SGCG: variants seen among roughly 807,000 people sequenced by gnomAD.
SGCG encodes gamma-sarcoglycan.
A neutral mutation model predicts 29.3 loss-of-function variants in SGCG; 26 were observed. The observed-to-expected ratio is 0.89, with a 90% CI of 0.65 to 1.23. The LOEUF is 1.23. Among genes scored for constraint, SGCG ranks in the 50% most tolerant of loss-of-function variants. The probability of loss-of-function intolerance (pLI) is 0.00; values close to 1 mark genes in which losing one functional copy is unlikely to be tolerated. For missense variants in SGCG, 353 were observed against 356.0 expected, an observed-to-expected ratio of 0.99 and a Z score of 0.07; for synonymous variants, 145 against 129.7, an observed-to-expected ratio of 1.12 and a Z score of -0.80.
intron 2 of SGCG, among the ~76,000 whole-genome samples, chr13:23,230,471 C>T (rs1313709059): frequency 2.0e-5 from 3 of 152,232 alleles, no homozygotes; most frequent in South Asian, 2.1e-4. Flanking sequence ...AGCAGTGTTT[C>T]GTAATTCTCA....
intron 6 of SGCG, among the ~76,000 whole-genome samples, chr13:23,300,593 C>A (rs951628998): frequency 2.0e-5 from 3 of 152,038 alleles, no homozygotes; most frequent in Admixed American, 6.6e-5. Flanking sequence ...GAAATCATGA[C>A]CTGCAAGCCG....
At chr13:23,288,109 T>C (rs1418188666) in intron 5 of SGCG, among the ~76,000 whole-genome samples, 1 of 152,216 alleles carries the variant, frequency 6.6e-6, no homozygotes, top group Non-Finnish European at 1.5e-5. Context: ...TTAAAACTTT[T>C]CTCCACTACC....
intron 2 of SGCG, among the ~76,000 whole-genome samples, chr13:23,220,523 G>C (rs1878618861): frequency 6.6e-6 from 1 of 152,150 alleles, no homozygotes; most frequent in African/African-American, 2.4e-5. Flanking sequence ...TCAATTAGAA[G>C]ATATCATTCA....
chr13:23,223,802 C>A (rs925308533), intron 2 of SGCG, among the ~76,000 whole-genome samples: 1 of 152,084 alleles, frequency 6.6e-6, no homozygotes, highest in Non-Finnish European at 1.5e-5. Flanking sequence ...CCCGTCTCTA[C>A]TAAAAATACA....
At chr13:23,191,280 C>T (rs1006549918) in intron 1 of SGCG, among the ~76,000 whole-genome samples, 7 of 115,146 alleles carry the variant, frequency 6.1e-5, no homozygotes, top group African/African-American at 3.9e-4. Flanking sequence ...AAATCTTCTA[C>T]ACCATCTTCC....
Position 23,270,811 on chromosome 13 carries a change from G to C in SGCG, c.386-8548G>C, listed in dbSNP as rs530077848. Among the ~76,000 whole-genome samples, 10 of 152,198 alleles carry C rather than the reference G, an allele frequency of 6.6e-5. No individual in the cohort carries two copies. The South Asian group carries it at 2.1e-3, about 32-fold the overall frequency. On this transcript the variant is annotated intron_variant, in intron 4 of 7. Transcript: ENST00000218867. ...CTATGTTTTCCTGTAGTGTTTGTAT[G>C]ATTTCACTTTTTAACACTTAGTTCC... is the stretch of plus-strand genomic sequence containing the variant.
intron 4 of SGCG, among the ~76,000 whole-genome samples, chr13:23,264,157 A>G (rs1217536107): frequency 6.6e-6 from 1 of 152,162 alleles, no homozygotes; most frequent in African/African-American, 2.4e-5. Context: ...TTTGCCAATG[A>G]TGCGATCTTA....
Position 23,209,553 on chromosome 13 carries a change from C to A in SGCG, c.195+5664C>A, listed in dbSNP as rs1878113419. 3.3e-5 allele frequency among the ~76,000 whole-genome samples: 5 copies of A among 152,282 alleles called. No individual in the cohort carries two copies. In the South Asian group the frequency reaches 1.0e-3, roughly 32 times the overall value. ...GATTTTTAAAACTTAGGAAAGAATG[C>A]AGATATGCAAGTGACCACAGGCTGT... On this transcript the variant is annotated intron_variant, in intron 2 of 7. Coordinates refer to ENST00000218867, the MANE Select transcript of SGCG (RefSeq NM_000231.3).
In SGCG at chr13:23,324,841, G is replaced by A. The variant is rs1175700949; in HGVS notation, c.*300G>A. The A allele has an allele frequency of 7.5e-6, 3 of 397,722 alleles. No individual in the cohort carries two copies. Among genetic ancestry groups the A allele is most frequent in the Non-Finnish European group, 1.4e-5 (3 of 208,350 alleles). 24.6% of individuals were successfully genotyped at this position (397,722 alleles called of 1,614,324 possible). A position where few individuals can be genotyped will look rare whatever the true frequency, so the allele number is the denominator to read the frequency against. On this transcript the variant is annotated 3_prime_UTR_variant, in exon 8 of 8. Coordinates refer to ENST00000218867, the MANE Select transcript of SGCG (RefSeq NM_000231.3). The stretch of plus-strand genomic sequence containing the variant: ...TGCCTCGCCTCCCCCTATCTTGTCC[G>A]TGTGGGCACACACTGAGTGTTGAGT...
chr13:23,320,916 T>C (rs1883011990), intron 7 of SGCG, among the ~76,000 whole-genome samples, 156 bp downstream of exon 7: 1 of 152,162 alleles, frequency 6.6e-6, no homozygotes, highest in African/African-American at 2.4e-5. Context: ...CAAAAGACAA[T>C]TTAGCATTGA....
chr13:23,267,511 AT>A (rs1342124356), intron 4 of SGCG: 1 of 152,244 alleles, frequency 6.6e-6, no homozygotes, highest in Non-Finnish European at 1.5e-5. Context: ...CTTCAATGAC[AT>A]TTTGCAAATC....
At chr13:23,305,159 C>G (rs1210639557) in intron 6 of SGCG, among the ~76,000 whole-genome samples, 1 of 152,174 alleles carries the variant, frequency 6.6e-6, no homozygotes, top group Admixed American at 6.5e-5. Flanking sequence ...TTAGGGAAAA[C>G]TGACAACTTA....
chr13:23,244,022 A>G (rs1879607146), intron 3 of SGCG: 1 of 151,896 alleles, frequency 6.6e-6, no homozygotes, highest in African/African-American at 2.4e-5. Flanking sequence ...TCTTAAGACT[A>G]TTTTCCTTTT....
chr13:23,282,600 G>T (rs182511031), intron 5 of SGCG, among the ~76,000 whole-genome samples: 1 of 152,248 alleles, frequency 6.6e-6, no homozygotes, highest in East Asian at 1.9e-4. Flanking sequence ...TTCTATTACT[G>T]TGCTAGTTTG....
At chr13:23,190,835 A>C (rs1877218363) in intron 1 of SGCG, among the ~76,000 whole-genome samples, 1 of 152,196 alleles carries the variant, frequency 6.6e-6, no homozygotes, top group South Asian at 2.1e-4. Flanking sequence ...GAACTATTAT[A>C]TCACTGACGA....
intron 4 of SGCG, among the ~76,000 whole-genome samples, chr13:23,255,138 G>C (rs543163261): frequency 4.6e-5 from 7 of 152,150 alleles, no homozygotes; most frequent in Admixed American, 3.9e-4. Context: ...CAGAATCGTC[G>C]AGCTACCAGA....
the SGCG span, among the ~76,000 whole-genome samples, chr13:23,174,312 A>G: frequency 2.6e-5 from 4 of 152,216 alleles, no homozygotes; most frequent in Admixed American, 6.5e-5. Flanking sequence ...GAGATTGTGT[A>G]CAATGGTCAT....
intron 4 of SGCG, among the ~76,000 whole-genome samples, chr13:23,252,574 T>C (rs1242377499): frequency 2.6e-5 from 4 of 151,950 alleles, no homozygotes; most frequent in Admixed American, 6.6e-5. Context: ...GCCTGTAGTC[T>C]CAGCTACTTG....
the SGCG span, among the ~76,000 whole-genome samples, chr13:23,173,486 A>T: frequency 6.6e-6 from 1 of 152,296 alleles, no homozygotes; most frequent in South Asian, 2.1e-4. Flanking sequence ...AATGGCCAAC[A>T]TACTTTCAAA....
Sources: allele counts gnomAD v4.1 joint callset (sites outside exome capture counted in the v4.1 genomes callset), GRCh38; gene constraint gnomAD v4.1.1; transcripts MANE v1.5; gene names NCBI Gene and HGNC (gene_info 2026-07-23, HGNC 2026-07-21).